The following EYS variants were observed in gnomAD, a reference collection of about 807,000 sequenced individuals.
EYS encodes the protein protein eyes shut homolog.
EYS carries 250 observed loss-of-function variants against 282.1 expected under a neutral mutation model. That is an observed-to-expected ratio of 0.89 (90% CI 0.80 to 0.98). The LOEUF (loss-of-function observed/expected upper bound fraction) is 0.98. EYS is among the 50% of genes least tolerant of loss of function. The pLI, the probability that EYS is intolerant of heterozygous loss-of-function variation, is 0.00. For missense variants in EYS, 4,016 were observed against 3,709.0 expected (o/e 1.08, Z -2.15); for synonymous variants, 1,355 against 1,282.9 (o/e 1.06, Z -1.20).
chr6:64,168,787 T>G (rs990645473), intron 31 of EYS, among the ~76,000 whole-genome samples: 10 of 152,086 alleles, frequency 6.6e-5, no homozygotes, highest in Admixed American at 3.9e-4. Flanking sequence ...GGGATTTTTT[T>G]GGGGGTGATG....
chr6:65,539,626 G>T (rs1768089010), intron 2 of EYS, among the ~76,000 whole-genome samples: 1 of 152,126 alleles, frequency 6.6e-6, no homozygotes, highest in African/African-American at 2.4e-5. Flanking sequence ...TCAAATATGT[G>T]TTGTATTTCT....
intron 5 of EYS, among the ~76,000 whole-genome samples, chr6:65,441,516 A>T (rs539069093): frequency 6.6e-6 from 1 of 152,210 alleles, no homozygotes; most frequent in South Asian, 2.1e-4. Flanking sequence ...TTCACTAAAC[A>T]GTTAGGTCTT....
At chr6:63,862,309 T>C (rs574822476) in intron 36 of EYS, among the ~76,000 whole-genome samples, 77 of 152,348 alleles carry the variant, frequency 5.1e-4, no homozygotes, top group Non-Finnish European at 6.3e-4. Context: ...GTCTTATCTT[T>C]CTTGACAAGT....
Position 65,402,485 on chromosome 6 carries a change from G to A in EYS, c.1177C>T (p.Pro393Ser). ...ACAGAAAATTAATTATACCTGCAAGGATAATCTTTCTCACATTTCTTACAT... is the reference window on the plus strand; with the variant it reads ...ACAGAAAATTAATTATACCTGCAAGAATAATCTTTCTCACATTTCTTACAT... ...ATCKKCEKDY[P>S]CSCISGFTEK... The change falls in exon 7 of 43, where the codon CCT becomes TCT. Residue 393 changes from proline to serine, a missense_variant. Physicochemically the swap from Pro to Ser is moderately conservative, Grantham distance 74. Transcript: ENST00000503581. The A allele has an allele frequency of 6.6e-7, 1 of 1,506,172 alleles. No individual in the cohort carries two copies. The highest frequency in any genetic ancestry group is 1.1e-5 in the South Asian group (1 of 88,498). The allele number at this position is 1,506,172 out of a possible 1,614,324, so 93.3% of individuals were successfully genotyped here.
At chr6:64,849,542 C>A (rs1015894938) in intron 19 of EYS, among the ~76,000 whole-genome samples, 3 of 151,938 alleles carry the variant, frequency 2.0e-5, no homozygotes, top group Non-Finnish European at 2.9e-5. Context: ...TTTATTAGCT[C>A]ACAGTTTTAT....
chr6:63,931,132 A>G (rs1764879597), intron 35 of EYS, among the ~76,000 whole-genome samples: 1 of 152,208 alleles, frequency 6.6e-6, no homozygotes, highest in Non-Finnish European at 1.5e-5. Context: ...AAGAGGAAAC[A>G]CTTCCAATAG....
At chr6:64,441,296 C>A (rs1780426407) in intron 26 of EYS, among the ~76,000 whole-genome samples, 1 of 152,184 alleles carries the variant, frequency 6.6e-6, no homozygotes. Context: ...TCAGGTTACA[C>A]AACTCTGAAT....
intron 13 of EYS, among the ~76,000 whole-genome samples, chr6:65,006,287 T>C (rs1457181489): frequency 6.6e-6 from 1 of 151,948 alleles, no homozygotes; most frequent in Non-Finnish European, 1.5e-5. Flanking sequence ...CCTATTCATT[T>C]AAAAGCCAGG....
intron 22 of EYS, among the ~76,000 whole-genome samples, chr6:64,765,961 T>G (rs1773317342): frequency 6.6e-6 from 1 of 152,166 alleles, no homozygotes; most frequent in Non-Finnish European, 1.5e-5. Context: ...CAGCTTTTCT[T>G]CATTGAGCTA....
chr6:65,426,839 C>T (rs1194924054), intron 5 of EYS, among the ~76,000 whole-genome samples: 1 of 152,038 alleles, frequency 6.6e-6, no homozygotes, highest in Non-Finnish European at 1.5e-5. Context: ...TAGTAATTTA[C>T]ATGACTAAAT....
chr6:64,139,667 A>G (rs1774275090), intron 31 of EYS, among the ~76,000 whole-genome samples: 1 of 152,006 alleles, frequency 6.6e-6, no homozygotes, highest in Non-Finnish European at 1.5e-5. Context: ...TAAATATTTG[A>G]TAAGTAAATA....
chr6:64,706,209 A>G (rs1343121846), intron 22 of EYS, among the ~76,000 whole-genome samples: 1 of 152,144 alleles, frequency 6.6e-6, no homozygotes, highest in Non-Finnish European at 1.5e-5. Context: ...AAACAAAAAC[A>G]TTAAGTGGGG....
At chr6:64,486,821 G>A (rs1404125312) in intron 26 of EYS, among the ~76,000 whole-genome samples, 2 of 151,300 alleles carry the variant, frequency 1.3e-5, no homozygotes, top group Non-Finnish European at 3.0e-5. Flanking sequence ...GCTTTTAAGA[G>A]AGATAACTAG....
intron 19 of EYS, among the ~76,000 whole-genome samples, chr6:64,844,340 G>T (rs1670621903): frequency 6.7e-6 from 1 of 149,086 alleles, no homozygotes; most frequent in Non-Finnish European, 1.5e-5. Flanking sequence ...ATGTAATTTA[G>T]AGTTTTTATG....
intron 32 of EYS, among the ~76,000 whole-genome samples, chr6:64,074,040 C>A (rs1047780953): frequency 1.3e-5 from 2 of 151,650 alleles, no homozygotes; most frequent in African/African-American, 2.4e-5. Flanking sequence ...GTTCTTTAGG[C>A]TTTTAGGCTT....
chr6:64,934,439 T>C (rs561105554), intron 15 of EYS, among the ~76,000 whole-genome samples: 2 of 151,902 alleles, frequency 1.3e-5, no homozygotes, highest in African/African-American at 2.4e-5. Context: ...GTAGAATAAA[T>C]TGAAAGAGAT....
At chr6:64,436,416 G>A (rs919986293) in intron 27 of EYS, among the ~76,000 whole-genome samples, 151 bp from the exon 28 acceptor site, 1 of 151,744 alleles carries the variant, frequency 6.6e-6, no homozygotes, top group African/African-American at 2.4e-5. Flanking sequence ...ATAACTGAAG[G>A]TTTACAACTG....
At chr6:64,410,654 G>C (rs1773859704) in intron 28 of EYS, among the ~76,000 whole-genome samples, 1 of 152,134 alleles carries the variant, frequency 6.6e-6, no homozygotes, top group South Asian at 2.1e-4. Context: ...AGGAAAGCAT[G>C]TTTATAATAT....
rs1773996393 is a variant in EYS, at chr6:64,132,051, AT to A, written c.6425-50050del. Among the ~76,000 whole-genome samples the A allele has an allele frequency of 2.0e-5, 3 of 152,216 alleles. No individual in the cohort carries two copies. The South Asian group carries it at 6.2e-4, about 32-fold the overall frequency. On this transcript the variant is annotated intron_variant, in intron 31 of 42. Coordinates refer to ENST00000503581, the MANE Select transcript of EYS (RefSeq NM_001142800.2). ...CTTTTCAGATGATTAATTTTGTTGT[AT>A]AATGTATTCATTTTTATATTTCATT...
Sources: allele counts gnomAD v4.1 joint callset (sites outside exome capture counted in the v4.1 genomes callset), GRCh38; gene constraint gnomAD v4.1.1; transcripts MANE v1.5; gene names NCBI Gene and HGNC (gene_info 2026-07-23, HGNC 2026-07-21).